Variants in MMS19 observed in about 807,000 individuals in gnomAD.
MMS19 encodes MMS19 cytosolic iron-sulfur assembly component.
A neutral mutation model predicts 129.8 loss-of-function variants in MMS19; 77 were observed. The ratio of observed to expected loss-of-function variants is 0.59; its 90% CI spans 0.49 to 0.72. The LOEUF is 0.72. Ranked by LOEUF, MMS19 falls within the 30% of genes least tolerant of loss-of-function variation. MMS19 has a pLI of 0.00. For synonymous variants in MMS19, 491 were observed against 502.8 expected, an observed-to-expected ratio of 0.98 and a Z score of 0.31; for missense variants, 1,168 against 1,266.3, an observed-to-expected ratio of 0.92 and a Z score of 1.18.
chr10:97,468,949 T>C lies in MMS19; in HGVS notation c.1063+17A>G, dbSNP rs1338380645. Reference sequence around the variant, plus strand: ...TATTGTGCTCACTCCCCTTCCTGGCTGCCACGGCCCCATTACCCTGTAGAA... The same window carrying C: ...TATTGTGCTCACTCCCCTTCCTGGCCGCCACGGCCCCATTACCCTGTAGAA... On this transcript the variant is annotated intron_variant, in intron 12 of 30. Coordinates refer to ENST00000438925, the MANE Select transcript of MMS19 (RefSeq NM_022362.5). 2 of 1,578,310 alleles carry C rather than the reference T, an allele frequency of 1.3e-6. No homozygotes were observed. Among genetic ancestry groups the C allele is most frequent in the South Asian group, 2.3e-5 (2 of 86,374 alleles).
chr10:97,490,215 A>G (rs979010518), intron 1 of MMS19, among the ~76,000 whole-genome samples: 10 of 152,042 alleles, frequency 6.6e-5, no homozygotes, highest in African/African-American at 1.9e-4. Flanking sequence ...AGTAGCTGGG[A>G]CTACAGGCAT....
intron 1 of MMS19, among the ~76,000 whole-genome samples, chr10:97,494,498 C>T (rs2039463838): frequency 6.6e-6 from 1 of 152,106 alleles, no homozygotes; most frequent in Non-Finnish European, 1.5e-5. Context: ...TCTCAAAATG[C>T]CCTTTCTGCT....
intron 19 of MMS19, among the ~76,000 whole-genome samples, 176 bp downstream of exon 19, chr10:97,463,682 A>G (rs2032665131): frequency 6.6e-6 from 1 of 152,252 alleles, no homozygotes; most frequent in Non-Finnish European, 1.5e-5. Flanking sequence ...GGTTCCTGCC[A>G]CTGGTCAGGG....
intron 6 of MMS19, 97 bp downstream of exon 6, chr10:97,477,250 C>G: frequency 6.3e-7 from 1 of 1,595,528 alleles, no homozygotes; most frequent in Non-Finnish European, 8.5e-7. Flanking sequence ...AGGATACCAG[C>G]TCTTCTATAT....
intron 8 of MMS19, among the ~76,000 whole-genome samples, chr10:97,471,142 T>C (rs1469637762): frequency 6.6e-6 from 1 of 152,248 alleles, no homozygotes. Flanking sequence ...TTCGCTGATA[T>C]ATATTGTTAC....
chr10:97,490,546 C>A (rs1409837632), intron 1 of MMS19, among the ~76,000 whole-genome samples: 1 of 152,224 alleles, frequency 6.6e-6, no homozygotes, highest in Non-Finnish European at 1.5e-5. Context: ...CAGAGAATTA[C>A]TTCCAGCAGC....
intron 8 of MMS19, among the ~76,000 whole-genome samples, chr10:97,471,973 A>G (rs1564650944): frequency 6.6e-6 from 1 of 152,332 alleles, no homozygotes; most frequent in South Asian, 2.1e-4. Flanking sequence ...GAACAGAGAA[A>G]AGAGAGAGGA....
At position 97,484,095 on chromosome 10, in the gene MMS19, G is replaced by A. The variant is rs2037377605; in HGVS notation, c.161+8C>T. The stretch of plus-strand genomic sequence containing the variant: ...TGGAGAAGAACATTCTATAGCAGAG[G>A]CTCTTACCCAAGGGCTTCCACAACT... On this transcript the variant is annotated splice_region_variant and intron_variant, in intron 2 of 30. Coordinates refer to ENST00000438925, the MANE Select transcript of MMS19 (RefSeq NM_022362.5). The A allele has an allele frequency of 6.5e-7, 1 of 1,533,174 alleles. No individual in the cohort carries two copies. Among genetic ancestry groups the A allele is most frequent in the Non-Finnish European group, 8.9e-7 (1 of 1,128,026 alleles). The allele number at this position is 1,533,174 out of a possible 1,614,324, so 95.0% of individuals were successfully genotyped here.
intron 1 of MMS19, among the ~76,000 whole-genome samples, chr10:97,497,927 C>G (rs2040103782): frequency 6.6e-6 from 1 of 152,194 alleles, no homozygotes; most frequent in South Asian, 2.1e-4. Flanking sequence ...CGTGAGCACC[C>G]GGTTCGGACC....
rs374461373 is a variant in MMS19, at chr10:97,460,705, A to C, written c.2459T>G (p.Leu820Arg). Residue 820 changes from leucine (L) to arginine (R), a missense_variant, in exon 25 of 31, where the codon CTT becomes CGT. Transcript: ENST00000438925. The part of the protein sequence containing the change: ...VLRYHPLSSC[L>R]TARLMGLLSD... ...CCAGAAAGGACGTACCCGGGCTGTA[A>C]GGCAGGAGCTGAGAGGATGGTATCT... The C allele has an allele frequency of 1.1e-5, 17 of 1,596,060 alleles. No individual in the cohort carries two copies. Among genetic ancestry groups the C allele is most frequent in the East Asian group, 4.5e-5 (2 of 44,444 alleles).
Position 97,458,812 on chromosome 10 carries a change from G to A in MMS19, c.3053C>T (p.Ala1018Val), listed in dbSNP as rs1325478552. 8 of 1,613,922 alleles carry A rather than the reference G, an allele frequency of 5.0e-6. No homozygotes were observed. The highest frequency in any genetic ancestry group is 6.8e-6 in the Non-Finnish European group (8 of 1,179,856). ...KRLVRKEAVS[A>V]RGEWFLLGSP... is the part of the protein sequence containing the mutation. ...CCTAGAAACTCACCACTCCCCTCTG[G>A]CTGACACTGCTTCCTTGCGCACCAG... The change falls in exon 30 of 31, where the codon GCC becomes GTC. Residue 1018 changes from alanine (A) to valine (V), a missense_variant. This residue lies in a region of MMS19 where 831 missense variants were observed against 910.8 expected (regional missense o/e 0.91). Coordinates refer to ENST00000438925, the MANE Select transcript of MMS19 (RefSeq NM_022362.5).
At chr10:97,497,788 ACTC>A (rs2040073353) in intron 1 of MMS19, among the ~76,000 whole-genome samples, 1 of 152,084 alleles carries the variant, frequency 6.6e-6, no homozygotes, top group African/African-American at 2.4e-5. Context: ...CGTCTCCTCA[ACTC>A]CTCTTAATTC....
At position 97,498,358 on chromosome 10, in the gene MMS19, C is replaced by A; in HGVS notation, c.27G>T (p.Ala9=). 1 of 1,573,394 alleles carries A rather than the reference C, an allele frequency of 6.4e-7. No individual in the cohort carries two copies. Among genetic ancestry groups the A allele is most frequent in the South Asian group, 1.1e-5 (1 of 87,286 alleles). MAAAAAVE[A]AAPMGALWGL... ...CCCATAGGGCACCCATAGGCGCCGC[C>A]GCCTCCACAGCCGCGGCAGCGGCCA... The change falls in exon 1 of 31, where the codon GCG becomes GCT. Residue 9 remains alanine, a synonymous_variant. Coordinates refer to ENST00000438925, the MANE Select transcript of MMS19 (RefSeq NM_022362.5).
At chr10:97,463,162 A>AG (rs1491213956) in intron 19 of MMS19, among the ~76,000 whole-genome samples, 2 of 133,298 alleles carry the variant, frequency 1.5e-5, no homozygotes, top group Non-Finnish European at 3.3e-5. Flanking sequence ...CCTGTGAAAC[A>AG]GTTTTTTTTT....
chr10:97,460,814 TAG>T, intron 24 of MMS19, 63 bp from the exon 25 acceptor site: 2 of 1,543,856 alleles, frequency 1.3e-6, no homozygotes, highest in Non-Finnish European at 1.8e-6. Context: ...CCCTGAGACA[TAG>T]ATGTTTATGG....
chr10:97,474,167 G>C (rs2135374709), intron 8 of MMS19, among the ~76,000 whole-genome samples: 1 of 150,568 alleles, frequency 6.6e-6, no homozygotes. Context: ...GAAAAAGTTT[G>C]CCAACCTCTT....
chr10:97,491,538 G>A (rs1391736781), intron 1 of MMS19, among the ~76,000 whole-genome samples: 5 of 152,308 alleles, frequency 3.3e-5, no homozygotes, highest in African/African-American at 7.2e-5. Context: ...AGTGGCATGC[G>A]CCTGTAGTCC....
chr10:97,468,877 G>A (rs2034099655), intron 12 of MMS19, 89 bp downstream of exon 12: 9 of 1,400,658 alleles, frequency 6.4e-6, no homozygotes, highest in Non-Finnish European at 8.6e-6. Flanking sequence ...CTAAAGTGCA[G>A]GGATTACAGG....
At chr10:97,464,411 T>C (rs1194407286) in intron 18 of MMS19, among the ~76,000 whole-genome samples, 1 of 152,242 alleles carries the variant, frequency 6.6e-6, no homozygotes, top group African/African-American at 2.4e-5. Flanking sequence ...CATTCTACTA[T>C]GTAACAGCTG....
Sources: gnomAD v4.1 joint callset for allele counts (sites outside exome capture counted in the v4.1 genomes callset) on GRCh38, gnomAD v4.1.1 for gene constraint, gnomAD v4.1.1 regional missense constraint, MANE v1.5 for transcripts, NCBI Gene and HGNC (gene_info 2026-07-23, HGNC 2026-07-21) for gene names.